The following TBXAS1 variants were observed in gnomAD, a reference collection of about 807,000 sequenced individuals.
TBXAS1 encodes the protein thromboxane-A synthase.
In TBXAS1, 48 loss-of-function variants were observed where a neutral mutation model predicts 60.7. That is an observed-to-expected ratio of 0.79 (90% CI 0.63 to 1.01). The LOEUF (loss-of-function observed/expected upper bound fraction) is 1.01, where lower values mean the gene tolerates loss of function less well. TBXAS1 is among the 50% of genes least tolerant of loss of function. The pLI is 0.00. For synonymous variants in TBXAS1, 287 were observed against 269.7 expected (o/e 1.06, Z -0.63); for missense variants, 685 against 686.3 (o/e 1.00, Z 0.02).
intron 3 of TBXAS1, among the ~76,000 whole-genome samples, chr7:139,910,345 A>G (rs916473334): frequency 4.6e-5 from 7 of 152,154 alleles, no homozygotes; most frequent in Admixed American, 3.3e-4. Context: ...GTCATTAAGT[A>G]TCTGTTGAGG....
rs567687568 is a variant in TBXAS1 at position 139,931,690 on chromosome 7, C to T, written c.334-4501C>T. 1.2e-4 allele frequency among the ~76,000 whole-genome samples: 18 copies of T among 151,706 alleles called. 1 individual carries two copies. The South Asian group carries it at 3.6e-3, about 30-fold the overall frequency. ...CGAGAACAACATAGGAAAGACGTGACCCCACGATTCAATTTCCTCCCACCA... is the reference window on the plus strand; with the variant it reads ...CGAGAACAACATAGGAAAGACGTGATCCCACGATTCAATTTCCTCCCACCA... On this transcript the variant is annotated intron_variant, in intron 4 of 12. Transcript: ENST00000448866.
intron 5 of TBXAS1, among the ~76,000 whole-genome samples, chr7:139,952,015 A>AAGAAAGG (rs1230904381): frequency 6.7e-6 from 1 of 149,794 alleles, no homozygotes; most frequent in Admixed American, 6.7e-5. Flanking sequence ...AGAAAGAAAA[A>AAGAAAGG]GAAAGGAAGG....
intron 4 of TBXAS1, among the ~76,000 whole-genome samples, chr7:139,803,981 G>A (rs772634539): frequency 1.1e-4 from 16 of 152,228 alleles, no homozygotes; most frequent in Non-Finnish European, 2.2e-4. Context: ...CCCCCACATG[G>A]AGTCCCCTCT....
intron 1 of TBXAS1, among the ~76,000 whole-genome samples, chr7:139,865,273 C>T (rs953164981): frequency 3.3e-5 from 5 of 152,086 alleles, no homozygotes; most frequent in Non-Finnish European, 5.9e-5. Context: ...TGCCTTGAGG[C>T]GTGATTTAAG....
intron 9 of TBXAS1, among the ~76,000 whole-genome samples, chr7:139,976,959 C>A (rs1811607865): frequency 6.6e-6 from 1 of 152,108 alleles, no homozygotes; most frequent in Non-Finnish European, 1.5e-5. Context: ...GTGGTCAGAT[C>A]CAGCCCAACC....
intron 10 of TBXAS1, among the ~76,000 whole-genome samples, chr7:140,014,244 G>A (rs1479969219): frequency 6.6e-6 from 1 of 152,222 alleles, no homozygotes; most frequent in Admixed American, 6.5e-5. Context: ...GGGGAGAGAC[G>A]AGTACAGGAT....
intron 3 of TBXAS1, among the ~76,000 whole-genome samples, chr7:139,898,879 C>A (rs1207432846): frequency 6.6e-6 from 1 of 151,936 alleles, no homozygotes; most frequent in Admixed American, 6.6e-5. Context: ...GGTGATACAG[C>A]TGTTAAATTA....
intron 1 of TBXAS1, among the ~76,000 whole-genome samples, chr7:139,870,735 G>T (rs1220508985): frequency 6.6e-6 from 1 of 152,152 alleles, no homozygotes; most frequent in Non-Finnish European, 1.5e-5. Context: ...GGATAACTTG[G>T]GATAGAGGAC....
intron 9 of TBXAS1, among the ~76,000 whole-genome samples, chr7:139,986,755 A>ATATATG (rs1316978387): frequency 1.3e-5 from 1 of 79,744 alleles, no homozygotes; most frequent in African/African-American, 5.1e-5. Context: ...ATATATATAT[A>ATATATG]TGTGTGTGTG....
At chr7:139,880,203 G>T (rs1199378928) in intron 3 of TBXAS1, among the ~76,000 whole-genome samples, 1 of 152,066 alleles carries the variant, frequency 6.6e-6, no homozygotes, top group Non-Finnish European at 1.5e-5. Flanking sequence ...TCTTTTAAAT[G>T]CTTGCTCTAT....
chr7:139,878,850 T>C (rs759671194), intron 3 of TBXAS1, among the ~76,000 whole-genome samples: 8 of 152,160 alleles, frequency 5.3e-5, no homozygotes, highest in Non-Finnish European at 1.2e-4. Context: ...AAATAATAGA[T>C]TGATTCATTA....
In TBXAS1 at chr7:140,004,121, CT is replaced by C. The variant is rs962233383; in HGVS notation, c.1135-2964del. Among the ~76,000 whole-genome samples, 38 of 152,248 alleles carry C rather than the reference CT, an allele frequency of 2.5e-4. No individual in the cohort carries two copies. Among genetic ancestry groups the C allele is most frequent in the African/African-American group, 8.9e-4 (37 of 41,466 alleles). ...TCAATCGCCACCTGCTGGAGAAAAA[CT>C]TTTTTCTTTGTCCCAGATCGAAATT... On this transcript the variant is annotated intron_variant, in intron 9 of 12. Coordinates refer to ENST00000448866, the MANE Select transcript of TBXAS1 (RefSeq NM_001061.7). The surrounding 1 kb of genome is among the most constrained non-coding windows in gnomAD (Gnocchi z 5.1).
intron 1 of TBXAS1, among the ~76,000 whole-genome samples, chr7:139,861,576 C>T (rs1210254195): frequency 6.6e-6 from 1 of 152,036 alleles, no homozygotes; most frequent in African/African-American, 2.4e-5. Context: ...ATTCTAATGG[C>T]AAAGGATTCA....
intron 1 of TBXAS1, among the ~76,000 whole-genome samples, chr7:139,865,748 A>C: frequency 8.1e-6 from 1 of 123,880 alleles, no homozygotes; most frequent in East Asian, 2.8e-4. Context: ...GAGGAGGAAG[A>C]GGAGGAGGAA....
intron 9 of TBXAS1, among the ~76,000 whole-genome samples, chr7:139,987,853 C>T (rs1406652386): frequency 6.6e-6 from 1 of 152,122 alleles, no homozygotes; most frequent in Non-Finnish European, 1.5e-5. Flanking sequence ...TCTGGGGGCC[C>T]AAAAGACTTT....
chr7:139,986,060 C>T (rs1006956257), intron 9 of TBXAS1, among the ~76,000 whole-genome samples: 3 of 152,354 alleles, frequency 2.0e-5, no homozygotes, highest in African/African-American at 7.2e-5. Flanking sequence ...ACCGGAACAG[C>T]GGCCCACCTA....
At chr7:139,823,619 G>A (rs556705351) in intron 4 of TBXAS1, among the ~76,000 whole-genome samples, 6 of 152,204 alleles carry the variant, frequency 3.9e-5, no homozygotes, top group Non-Finnish European at 8.8e-5. Flanking sequence ...CAGAATAAAC[G>A]ATATCATAAC....
At chr7:139,904,993 T>C (rs1168875086) in intron 3 of TBXAS1, among the ~76,000 whole-genome samples, 1 of 125,440 alleles carries the variant, frequency 8.0e-6, no homozygotes, top group Non-Finnish European at 1.6e-5. Flanking sequence ...CTTTCTCTCT[T>C]TCTCTCTTTC....
At chr7:139,894,141 C>G (rs1035084024) in intron 3 of TBXAS1, among the ~76,000 whole-genome samples, 3 of 152,210 alleles carry the variant, frequency 2.0e-5, no homozygotes, top group Non-Finnish European at 4.4e-5. Flanking sequence ...CCTCTCCAGG[C>G]TGCCAAGCCT....
Sources: gnomAD v4.1 joint callset for allele counts (sites outside exome capture counted in the v4.1 genomes callset) on GRCh38, gnomAD v4.1.1 for gene constraint, Gnocchi (gnomAD v3.1) non-coding constraint, MANE v1.5 for transcripts, NCBI Gene and HGNC (gene_info 2026-07-23, HGNC 2026-07-21) for gene names.